CRB1: variants seen among roughly 807,000 people sequenced by gnomAD.
CRB1 encodes crumbs cell polarity complex component 1.
A neutral mutation model predicts 120.0 loss-of-function variants in CRB1; 83 were observed. That is an observed-to-expected ratio of 0.69 (90% confidence interval 0.58 to 0.83). The LOEUF (loss-of-function observed/expected upper bound fraction) is 0.83, where lower values mean the gene tolerates loss of function less well. CRB1 is among the 40% of genes least tolerant of loss of function. The pLI is 0.00. For synonymous variants in CRB1, 625 were observed against 612.5 expected, an observed-to-expected ratio of 1.02 and a Z score of -0.30; for missense variants, 1,699 against 1,687.6, an observed-to-expected ratio of 1.01 and a Z score of -0.12.
chr1:197,269,427 G>A (rs1654784175), intron 1 of CRB1, among the ~76,000 whole-genome samples: 2 of 152,166 alleles, frequency 1.3e-5, no homozygotes, highest in Non-Finnish European at 2.9e-5. Context: ...AATGCTGTGG[G>A]TAGGTAGCTG....
At chr1:197,204,796 T>C in the CRB1 span, among the ~76,000 whole-genome samples, 1 of 152,200 alleles carries the variant, frequency 6.6e-6, no homozygotes, top group Admixed American at 6.5e-5. Context: ...CATCTATTTA[T>C]CTTTGTTTTT....
At chr1:197,408,575 G>A (rs764781651) in intron 5 of CRB1, among the ~76,000 whole-genome samples, 2 of 152,092 alleles carry the variant, frequency 1.3e-5, no homozygotes, top group Non-Finnish European at 2.9e-5. Flanking sequence ...ATGACAAACA[G>A]CACTGCTAAA....
chr1:197,431,585 G>A (rs1472757848), intron 8 of CRB1, among the ~76,000 whole-genome samples: 1 of 152,132 alleles, frequency 6.6e-6, no homozygotes, highest in African/African-American at 2.4e-5. Flanking sequence ...AAATGAATAG[G>A]ATTTCTAAAA....
the CRB1 span, among the ~76,000 whole-genome samples, chr1:197,207,266 C>T: frequency 5.3e-5 from 8 of 150,586 alleles, no homozygotes; most frequent in African/African-American, 2.0e-4. Context: ...TATTTGTTGC[C>T]TGAATACCTT....
At chr1:197,354,907 GTC>G (rs940044500) in intron 4 of CRB1, among the ~76,000 whole-genome samples, 87 of 121,508 alleles carry the variant, frequency 7.2e-4, no homozygotes, top group Middle Eastern at 8.4e-3. Context: ...GAGCCAATTG[GTC>G]TGTTTTACAG....
intron 5 of CRB1, among the ~76,000 whole-genome samples, chr1:197,397,095 T>C (rs750753629): frequency 3.3e-5 from 5 of 152,142 alleles, no homozygotes; most frequent in Non-Finnish European, 5.9e-5. Context: ...AACTCAAGAA[T>C]GTAAACAAAC....
chr1:197,332,982 A>G (rs1209692663), intron 2 of CRB1, among the ~76,000 whole-genome samples: 1 of 152,192 alleles, frequency 6.6e-6, no homozygotes, highest in South Asian at 2.1e-4. Flanking sequence ...GATGTGCTGG[A>G]GTGCTCTGCC....
chr1:197,227,381 T>TTTTTTC, the CRB1 span, among the ~76,000 whole-genome samples: 57 of 151,340 alleles, frequency 3.8e-4, no homozygotes, highest in African/African-American at 1.3e-3. Flanking sequence ...GTCAAATTCT[T>TTTTTTC]TTTTTCTTTT....
chr1:197,463,649 C>T (rs1218903492), intron 11 of CRB1, among the ~76,000 whole-genome samples: 1 of 152,112 alleles, frequency 6.6e-6, no homozygotes, highest in Non-Finnish European at 1.5e-5. Flanking sequence ...GGACAAATTG[C>T]TTAAATCATC....
At chr1:197,344,529 T>C (rs940646254) in intron 3 of CRB1, 53 bp downstream of exon 3, 2 of 1,532,872 alleles carry the variant, frequency 1.3e-6, no homozygotes, top group Non-Finnish European at 1.8e-6. Context: ...GACCATGAAC[T>C]ATTTTACCAC....
At chr1:197,205,789 T>G in the CRB1 span, among the ~76,000 whole-genome samples, 957 of 152,258 alleles carry the variant, frequency 6.3e-3, 13 homozygotes, top group African/African-American at 0.022. Context: ...GATTCCCTCT[T>G]TCTCTGTCTT....
intron 5 of CRB1, among the ~76,000 whole-genome samples, chr1:197,387,132 T>C (rs757410186): frequency 2.6e-5 from 4 of 151,994 alleles, no homozygotes; most frequent in Non-Finnish European, 5.9e-5. Context: ...TTTGAGACAG[T>C]CTCTCTGTTG....
At chr1:197,412,692 T>C (rs1367673293) in intron 5 of CRB1, among the ~76,000 whole-genome samples, 1 of 152,224 alleles carries the variant, frequency 6.6e-6, no homozygotes, top group Non-Finnish European at 1.5e-5. Flanking sequence ...CCCACTACTA[T>C]AAGCTTGGAT....
Position 197,435,423 on chromosome 1 carries a change from T to C in CRB1, c.3560T>C (p.Ile1187Thr). 6.3e-7 allele frequency: 1 copy of C among 1,599,938 alleles called. No individual in the cohort carries two copies. The highest frequency in any genetic ancestry group is 8.5e-7 in the Non-Finnish European group (1 of 1,172,596). ...NIDECFSNPC[I>T]HGNCSDRVAA... Reference sequence around the variant, plus strand: ...GATGAATGCTTTTCAAACCCCTGTATCCATGGCAACTGCTCTGACAGAGTT... The same window carrying C: ...GATGAATGCTTTTCAAACCCCTGTACCCATGGCAACTGCTCTGACAGAGTT... Residue 1187 changes from isoleucine (I) to threonine (T), a missense_variant, in exon 9 of 12, where the codon ATC becomes ACC. Coordinates refer to ENST00000367400, the MANE Select transcript of CRB1 (RefSeq NM_201253.3).
At chr1:197,355,212 G>C (rs1660397544) in intron 4 of CRB1, among the ~76,000 whole-genome samples, 1 of 151,966 alleles carries the variant, frequency 6.6e-6, no homozygotes, top group Non-Finnish European at 1.5e-5. Flanking sequence ...AGATTAGCTA[G>C]ATACAGAGTG....
At chr1:197,381,760 T>A (rs1001910163) in intron 5 of CRB1, among the ~76,000 whole-genome samples, 1 of 152,226 alleles carries the variant, frequency 6.6e-6, no homozygotes, top group Non-Finnish European at 1.5e-5. Context: ...ACTTTCCACA[T>A]CCACTTAACT....
intron 4 of CRB1, among the ~76,000 whole-genome samples, chr1:197,351,187 C>CAAAAAAA (rs780090689): frequency 6.1e-3 from 521 of 85,108 alleles, no homozygotes; most frequent in African/African-American, 8.4e-3. Context: ...ACTAAAAATA[C>CAAAAAAA]AAAAAAAAAA....
At chr1:197,326,336 A>G (rs1658488867) in intron 1 of CRB1, among the ~76,000 whole-genome samples, 1 of 152,156 alleles carries the variant, frequency 6.6e-6, no homozygotes, top group Non-Finnish European at 1.5e-5. Flanking sequence ...AAATTTATAG[A>G]GGCCGGGGAC....
At chr1:197,468,879 G>A (rs148052898) in intron 11 of CRB1, among the ~76,000 whole-genome samples, 1 of 152,256 alleles carries the variant, frequency 6.6e-6, no homozygotes, top group African/African-American at 2.4e-5. Flanking sequence ...AAAGAGGAGA[G>A]GCATGATTGA....
Sources: gnomAD v4.1 joint callset for allele counts (sites outside exome capture counted in the v4.1 genomes callset) on GRCh38, gnomAD v4.1.1 for gene constraint, MANE v1.5 for transcripts, NCBI Gene and HGNC (gene_info 2026-07-23, HGNC 2026-07-21) for gene names.